Variants in NRCAM observed in about 807,000 individuals in gnomAD.
NRCAM encodes the protein neuronal cell adhesion molecule.
NRCAM carries 83 observed loss-of-function variants against 156.5 expected under a neutral mutation model. The observed-to-expected ratio is 0.53, with a 90% CI of 0.44 to 0.64. The LOEUF (loss-of-function observed/expected upper bound fraction) is 0.64. Among genes scored for constraint, NRCAM ranks in the 30% least tolerant of loss-of-function variants. NRCAM has a pLI of 0.00. For missense variants in NRCAM, 1,417 were observed against 1,597.3 expected, an observed-to-expected ratio of 0.89 and a Z score of 1.92; for synonymous variants, 538 against 563.9, an observed-to-expected ratio of 0.95 and a Z score of 0.65.
chr7:108,297,904 G>A (rs2098483157), intron 3 of NRCAM, among the ~76,000 whole-genome samples: 1 of 152,090 alleles, frequency 6.6e-6, no homozygotes, highest in South Asian at 2.1e-4. Flanking sequence ...AAGAAGCAGC[G>A]AGCTATGGGG....
At position 108,418,750 on chromosome 7, in the gene NRCAM, T is replaced by A. The variant is rs143880919; in HGVS notation, c.-331-19157A>T. On this transcript the variant is annotated intron_variant, in intron 1 of 32. Coordinates refer to ENST00000379028, the MANE Select transcript of NRCAM (RefSeq NM_001037132.4). ...AACATGATTGATTAAAATGGTTTGA[T>A]ATAATTTCAACATTTTAATACAACT... 8.3e-3 allele frequency among the ~76,000 whole-genome samples: 1,271 copies of A among 152,358 alleles called. 10 individuals carry two copies. Among genetic ancestry groups the A allele is most frequent in the Non-Finnish European group, 0.013 (874 of 68,032 alleles).
intron 2 of NRCAM, among the ~76,000 whole-genome samples, chr7:108,380,290 G>T (rs2099695335): frequency 6.6e-6 from 1 of 152,132 alleles, no homozygotes; most frequent in Non-Finnish European, 1.5e-5. Context: ...TAACAATTTA[G>T]AAGGAGTTTA....
At position 108,194,024 on chromosome 7, in the gene NRCAM, C is replaced by T. The variant is rs1393943496; in HGVS notation, c.1778G>A (p.Arg593Lys). ...AAGTAAAGAAATCGTCTTCAAATAC[C>T]TTTCATCACTGGGCAGTTCCCTGTT... ...KDNRELPSDE[R>K]FTVDKDHLVV... The change falls in exon 17 of 33, where the codon AGG becomes AAG. Residue 593 changes from arginine to lysine, a missense_variant and splice_region_variant. Around this residue, in one of 2 missense-constraint regions of NRCAM, gnomAD observed 1,238 missense variants for 1,336.4 expected, o/e 0.93. Coordinates refer to ENST00000379028, the MANE Select transcript of NRCAM (RefSeq NM_001037132.4). 1.9e-6 allele frequency: 3 copies of T among 1,612,378 alleles called. No individual in the cohort carries two copies. The East Asian group carries it at 6.7e-5, about 36-fold the overall frequency.
intron 31 of NRCAM, among the ~76,000 whole-genome samples, 174 bp from the exon 32 acceptor site, chr7:108,159,715 T>C (rs1196688384): frequency 2.0e-5 from 3 of 152,224 alleles, no homozygotes; most frequent in South Asian, 2.1e-4. Context: ...TAGTTATTTT[T>C]GAGGCAACCC....
intron 3 of NRCAM, among the ~76,000 whole-genome samples, chr7:108,285,330 G>A (rs1285498198): frequency 6.6e-6 from 1 of 152,124 alleles, no homozygotes; most frequent in Non-Finnish European, 1.5e-5. Context: ...GTATTTAATT[G>A]AAGAACAATG....
chr7:108,307,148 G>A (rs1266712227), intron 3 of NRCAM, among the ~76,000 whole-genome samples: 1 of 152,176 alleles, frequency 6.6e-6, no homozygotes, highest in African/African-American at 2.4e-5. Flanking sequence ...AAAGGCAATG[G>A]TGTGAAATAT....
chr7:108,335,454 T>TTTTTGTTTTTTTTTC, intron 2 of NRCAM, among the ~76,000 whole-genome samples: 1 of 145,226 alleles, frequency 6.9e-6, no homozygotes, highest in Non-Finnish European at 1.5e-5. Context: ...TTTTTTTTTT[T>TTTTTGTTTTTTTTTC]TTTTTCAGTT....
chr7:108,181,264 G>A (rs2063316329), intron 24 of NRCAM, among the ~76,000 whole-genome samples: 1 of 151,322 alleles, frequency 6.6e-6, no homozygotes, highest in Admixed American at 6.6e-5. Context: ...ACAAATCAAA[G>A]TAGTGACTGT....
chr7:108,227,256 A>G (rs1046595549), intron 8 of NRCAM, among the ~76,000 whole-genome samples: 1 of 152,176 alleles, frequency 6.6e-6, no homozygotes, highest in Non-Finnish European at 1.5e-5. Context: ...AAGCATAATA[A>G]TTTATTAGTA....
intron 13 of NRCAM, among the ~76,000 whole-genome samples, chr7:108,206,764 G>C (rs901724976): frequency 7.9e-5 from 12 of 152,170 alleles, no homozygotes; most frequent in Non-Finnish European, 1.5e-4. Flanking sequence ...GCTGGCCTTT[G>C]CTATGATTTA....
intron 2 of NRCAM, among the ~76,000 whole-genome samples, chr7:108,379,517 G>A (rs934696170): frequency 2.6e-5 from 4 of 152,144 alleles, no homozygotes; most frequent in African/African-American, 4.8e-5. Context: ...GCCAAATGAA[G>A]AGTTCTGGAG....
At chr7:108,360,549 A>G (rs569515367) in intron 2 of NRCAM, among the ~76,000 whole-genome samples, 35 of 152,356 alleles carry the variant, frequency 2.3e-4, no homozygotes, top group Non-Finnish European at 4.9e-4. Context: ...ACAAGTTTGA[A>G]AAAGCAGAAC....
At chr7:108,169,760 A>T (rs1235366434) in intron 28 of NRCAM, among the ~76,000 whole-genome samples, 1 of 152,204 alleles carries the variant, frequency 6.6e-6, no homozygotes, top group African/African-American at 2.4e-5. Context: ...ATGACAGTAA[A>T]TATGCACACA....
intron 13 of NRCAM, 125 bp downstream of exon 13, chr7:108,207,403 G>T: frequency 1.2e-6 from 1 of 861,224 alleles, no homozygotes; most frequent in Non-Finnish European, 1.8e-6. Context: ...TTTGGTGCCT[G>T]TGTTTAACAT....
chr7:108,272,534 A>G (rs926285115), intron 3 of NRCAM, among the ~76,000 whole-genome samples: 1 of 152,138 alleles, frequency 6.6e-6, no homozygotes, highest in Non-Finnish European at 1.5e-5. Flanking sequence ...AGTTACTAAT[A>G]TGTTTGATCA....
At chr7:108,337,926 AG>A (rs2099220576) in intron 2 of NRCAM, among the ~76,000 whole-genome samples, 1 of 152,218 alleles carries the variant, frequency 6.6e-6, no homozygotes, top group African/African-American at 2.4e-5. Flanking sequence ...TTAGAATTGG[AG>A]GAAAATACCG....
chr7:108,424,995 G>C (rs1385838495), intron 1 of NRCAM, among the ~76,000 whole-genome samples: 2 of 152,124 alleles, frequency 1.3e-5, no homozygotes, highest in African/African-American at 4.8e-5. Flanking sequence ...CATAGCTAGT[G>C]CATAGATAAG....
intron 20 of NRCAM, among the ~76,000 whole-genome samples, chr7:108,185,735 G>GAAAAAAAAAA (rs34028548): frequency 1.6e-5 from 2 of 128,494 alleles, no homozygotes; most frequent in Non-Finnish European, 3.2e-5. Flanking sequence ...AGAGAGAGAG[G>GAAAAAAAAAA]AAAAAAAAAA....
At chr7:108,225,083 G>C (rs2093210641) in intron 10 of NRCAM, among the ~76,000 whole-genome samples, 2 of 152,112 alleles carry the variant, frequency 1.3e-5, no homozygotes, top group African/African-American at 4.8e-5. Context: ...AAATAATGAA[G>C]GTAAATGCTC....
Sources: allele counts gnomAD v4.1 joint callset (sites outside exome capture counted in the v4.1 genomes callset), GRCh38; gene constraint gnomAD v4.1.1; regional missense constraint gnomAD v4.1.1; transcripts MANE v1.5; gene names NCBI Gene and HGNC (gene_info 2026-07-23, HGNC 2026-07-21).